The following DOCK11 variants were observed in gnomAD, a reference collection of about 807,000 sequenced individuals.
DOCK11 encodes dedicator of cytokinesis protein 11.
In DOCK11, 70 loss-of-function variants were observed where a neutral mutation model predicts 169.1. The ratio of observed to expected loss-of-function variants is 0.41; its 90% CI spans 0.34 to 0.51. The LOEUF is 0.51. Ranked by LOEUF, DOCK11 falls within the 20% of genes least tolerant of loss-of-function variation. The pLI is 0.10. For synonymous variants in DOCK11, 529 were observed against 541.3 expected (o/e 0.98, Z 0.32); for missense variants, 1,166 against 1,538.8 (o/e 0.76, Z 4.05).
intron 44 of DOCK11, among the ~76,000 whole-genome samples, chrX:118,658,916 C>T (rs1369045153): frequency 9.0e-6 from 1 of 111,427 alleles, no homozygotes; most frequent in Non-Finnish European, 1.9e-5. Context: ...AAGCTTCAGG[C>T]CTGCAAGGAT....
At chrX:118,632,925 T>C (rs1240004506) in intron 35 of DOCK11, 3 of 90,180 alleles carry the variant, frequency 3.3e-5, no homozygotes, top group Non-Finnish European at 6.4e-5. Context: ...GTTGGAAAAG[T>C]AAAACATTGT....
intron 12 of DOCK11, among the ~76,000 whole-genome samples, chrX:118,574,670 A>C (rs2013389915): frequency 8.9e-6 from 1 of 112,016 alleles, no homozygotes; most frequent in African/African-American, 3.2e-5. Flanking sequence ...TTTGGTTTTT[A>C]AGAAAAATTG....
chrX:118,654,875 A>G, intron 43 of DOCK11, 29 bp from the exon 44 acceptor site: 2 of 1,208,681 alleles, frequency 1.7e-6, no homozygotes, highest in Non-Finnish European at 2.2e-6. Flanking sequence ...GCATGTTCTG[A>G]CAGTTCTTTC....
chrX:118,501,309 C>T (rs757159862), intron 1 of DOCK11, among the ~76,000 whole-genome samples: 2 of 108,170 alleles, frequency 1.8e-5, no homozygotes, highest in South Asian at 3.8e-4. Context: ...GGCAAAACCC[C>T]GTCTCTACTT....
chrX:118,588,004 G>T, intron 16 of DOCK11, 133 bp from the exon 17 acceptor site: 1 of 571,894 alleles, frequency 1.7e-6, no homozygotes, highest in Non-Finnish European at 2.6e-6. Context: ...TGATTTTTTT[G>T]GTCAATTACT....
At chrX:118,644,593 T>C (rs2015609808) in intron 40 of DOCK11, among the ~76,000 whole-genome samples, 1 of 111,916 alleles carries the variant, frequency 8.9e-6, no homozygotes, top group African/African-American at 3.2e-5. Flanking sequence ...CACATCAAGA[T>C]ACACATACAC....
At chrX:118,539,965 C>T (rs367876470) in intron 1 of DOCK11, among the ~76,000 whole-genome samples, 11 of 99,294 alleles carry the variant, frequency 1.1e-4, no homozygotes, top group East Asian at 9.7e-4. Flanking sequence ...GCAGGAGAAT[C>T]GCTTGAACCC....
At chrX:118,568,209 C>G (rs1343773307) in intron 10 of DOCK11, 47 bp downstream of exon 10, 1 of 778,675 alleles carries the variant, frequency 1.3e-6, no homozygotes, top group Non-Finnish European at 1.8e-6. Flanking sequence ...ATTGCTTATT[C>G]AGATAAACAA....
At chrX:118,570,225 CTG>C (rs1328233223) in intron 10 of DOCK11, among the ~76,000 whole-genome samples, 4 of 111,782 alleles carry the variant, frequency 3.6e-5, no homozygotes, top group African/African-American at 1.3e-4. Flanking sequence ...TAAAGAAACA[CTG>C]GCTGATTAAA....
chrX:118,516,731 G>A (rs1012960198), intron 1 of DOCK11, among the ~76,000 whole-genome samples: 10 of 111,925 alleles, frequency 8.9e-5, no homozygotes, highest in Non-Finnish European at 1.5e-4. Flanking sequence ...CACCGCACCC[G>A]GCTGACATCT....
intron 45 of DOCK11, among the ~76,000 whole-genome samples, chrX:118,664,783 A>G (rs768890684): frequency 1.2e-3 from 133 of 112,156 alleles, no homozygotes; most frequent in Middle Eastern, 4.7e-3. Context: ...TGAAGACCGG[A>G]GAATCAAGGA....
At chrX:118,630,532 C>T (rs370927653) in intron 35 of DOCK11, 42 bp downstream of exon 35, 12 of 867,124 alleles carry the variant, frequency 1.4e-5, no homozygotes, top group African/African-American at 4.0e-5. Flanking sequence ...ACTAGACATA[C>T]ACCCTCACAG....
intron 23 of DOCK11, among the ~76,000 whole-genome samples, chrX:118,603,326 T>C (rs1239117831): frequency 8.9e-6 from 1 of 112,352 alleles, no homozygotes; most frequent in African/African-American, 3.2e-5. Flanking sequence ...TCTTTGTTCG[T>C]GGTAGTTTGT....
chrX:118,527,509 C>T (rs1051973611), intron 1 of DOCK11, among the ~76,000 whole-genome samples: 3 of 111,287 alleles, frequency 2.7e-5, no homozygotes, highest in African/African-American at 6.6e-5. Flanking sequence ...CTGGGAACAC[C>T]GTAACTGCTA....
chrX:118,656,847 G>T (rs1229115717), intron 44 of DOCK11, among the ~76,000 whole-genome samples: 1 of 110,839 alleles, frequency 9.0e-6, no homozygotes, highest in Non-Finnish European at 1.9e-5. Flanking sequence ...AGGCAGGAGC[G>T]CTTGAACCCA....
chrX:118,512,073 G>T (rs996398575), intron 1 of DOCK11, among the ~76,000 whole-genome samples: 1 of 111,614 alleles, frequency 9.0e-6, no homozygotes, highest in African/African-American at 3.3e-5. Flanking sequence ...GCCGCCATGC[G>T]TGTATTTTAG....
chrX:118,641,365 T>C, intron 39 of DOCK11, 60 bp downstream of exon 39: 2 of 855,004 alleles, frequency 2.3e-6, no homozygotes, highest in East Asian at 6.4e-5. Context: ...ATGCAGAAAT[T>C]ACCTAGTCAA....
At chrX:118,530,475 T>C (rs1356484063) in intron 1 of DOCK11, among the ~76,000 whole-genome samples, 1 of 112,545 alleles carries the variant, frequency 8.9e-6, no homozygotes, top group Non-Finnish European at 1.9e-5. Flanking sequence ...TCTAAACTCA[T>C]TGACTTGGCA....
Position 118,564,211 on chromosome X carries a change from C to T in DOCK11, c.694-1794C>T, listed in dbSNP as rs183079207. Among the ~76,000 whole-genome samples the T allele has an allele frequency of 3.6e-3, 406 of 112,461 alleles. 5 individuals carry two copies. Among genetic ancestry groups the T allele is most frequent in the African/African-American group, 0.011 (343 of 30,977 alleles). ...AAGTGCTGGGATTACAGGCGTGAGCCGCCATGCTCAGGCACCTCATCTATT... is the reference window on the plus strand; with the variant it reads ...AAGTGCTGGGATTACAGGCGTGAGCTGCCATGCTCAGGCACCTCATCTATT... On this transcript the variant is annotated intron_variant, in intron 7 of 52. Coordinates refer to ENST00000276202, the MANE Select transcript of DOCK11 (RefSeq NM_144658.4).
Sources: allele counts gnomAD v4.1 joint callset (sites outside exome capture counted in the v4.1 genomes callset), GRCh38; gene constraint gnomAD v4.1.1; transcripts MANE v1.5; gene names NCBI Gene and HGNC (gene_info 2026-07-23, HGNC 2026-07-21).